PPFIBP2: variants seen among roughly 807,000 people sequenced by gnomAD.
PPFIBP2 encodes liprin-beta-2.
Under a neutral mutation model 118.3 loss-of-function variants are expected in PPFIBP2, and 118 were observed. The observed-to-expected ratio is 1.00, with a 90% confidence interval of 0.86 to 1.16. PPFIBP2 has a LOEUF of 1.16. Ranked by LOEUF, PPFIBP2 falls within the 50% of genes most tolerant of loss-of-function variation. The pLI is 0.00. For synonymous variants in PPFIBP2, 414 were observed against 397.4 expected (o/e 1.04, Z -0.50); for missense variants, 1,195 against 1,073.1 (o/e 1.11, Z -1.59).
At chr11:7,665,983 G>A in the PPFIBP2 span, 22 of 1,387,852 alleles carry the variant, frequency 1.6e-5, no homozygotes, top group African/African-American at 5.7e-5. Context: ...TGAGAGGCGC[G>A]CCTGTGGGGT....
chr11:7,563,026 C>T (rs1854527390), intron 2 of PPFIBP2, among the ~76,000 whole-genome samples: 1 of 147,290 alleles, frequency 6.8e-6, no homozygotes, highest in Admixed American at 7.0e-5. Context: ...TATACATGTA[C>T]TCACATACAT....
chr11:7,545,429 C>CAAACAA (rs1184602847), intron 1 of PPFIBP2, among the ~76,000 whole-genome samples: 2 of 152,140 alleles, frequency 1.3e-5, no homozygotes, highest in African/African-American at 4.8e-5. Flanking sequence ...GACCCTGTCT[C>CAAACAA]AAACAAAAAC....
At chr11:7,528,060 G>A (rs573653380) in intron 1 of PPFIBP2, among the ~76,000 whole-genome samples, 4 of 152,240 alleles carry the variant, frequency 2.6e-5, no homozygotes, top group South Asian at 4.2e-4. Flanking sequence ...TAAAATTGAT[G>A]TCCAGGCTGC....
rs140547250 is a variant in PPFIBP2, at chr11:7,651,077, T to G, written c.2247+112T>G. On this transcript the variant is annotated intron_variant, in intron 22 of 23. Coordinates refer to ENST00000299492, the MANE Select transcript of PPFIBP2 (RefSeq NM_003621.5). ...AACGAAAAAAAATAGGTACTTCATC[T>G]GGAGGTCTTGCATAATTTGATGTCT... 1,711 of 1,138,796 alleles carry G rather than the reference T, an allele frequency of 1.5e-3. 14 individuals carry two copies. The African/African-American group carries it at 0.022, about 15-fold the overall frequency. 70.5% of individuals were successfully genotyped at this position (1,138,796 alleles called of 1,614,324 possible).
Position 7,648,887 on chromosome 11 carries a change from C to T in PPFIBP2, c.1885C>T (p.Leu629=), listed in dbSNP as rs749585262. 34 of 1,613,986 alleles carry T rather than the reference C, an allele frequency of 2.1e-5. No individual in the cohort carries two copies. Among genetic ancestry groups the T allele is most frequent in the Non-Finnish European group, 2.8e-5 (33 of 1,179,874 alleles). ...INTKQEEKSA[L]LDHIWVTRWL... Reference sequence around the variant, plus strand: ...CACCAAACAGGAGGAGAAGTCTGCACTGCTAGACCACATTTGGGTGACAAG... The same window carrying T: ...CACCAAACAGGAGGAGAAGTCTGCATTGCTAGACCACATTTGGGTGACAAG... The change falls in exon 19 of 24, where the codon CTG becomes TTG. Residue 629 remains leucine (L), a synonymous_variant. Transcript: ENST00000299492.
intron 11 of PPFIBP2, among the ~76,000 whole-genome samples, chr11:7,631,888 C>T (rs1188279259): frequency 2.0e-5 from 3 of 152,136 alleles, no homozygotes; most frequent in Non-Finnish European, 4.4e-5. Context: ...GGACTTGAAC[C>T]CAGGTCTGAC....
chr11:7,551,100 A>T, intron 2 of PPFIBP2, among the ~76,000 whole-genome samples: 1 of 152,128 alleles, frequency 6.6e-6, no homozygotes, highest in Admixed American at 6.5e-5. Context: ...TGGAATACAG[A>T]TGTCCTGTTC....
chr11:7,655,136 G>T (rs936903419), downstream of PPFIBP2, among the ~76,000 whole-genome samples: 1 of 152,196 alleles, frequency 6.6e-6, no homozygotes, highest in Non-Finnish European at 1.5e-5. Context: ...ACGTGCAGAA[G>T]GGCTGCTTCT....
intron 6 of PPFIBP2, among the ~76,000 whole-genome samples, chr11:7,618,119 G>A (rs910604111): frequency 4.6e-4 from 70 of 152,286 alleles, no homozygotes; most frequent in African/African-American, 1.5e-3. Flanking sequence ...CTCAATTAGG[G>A]AGCCTGTTGA....
the PPFIBP2 span, among the ~76,000 whole-genome samples, chr11:7,662,786 A>C: frequency 2.0e-5 from 3 of 151,976 alleles, no homozygotes; most frequent in Admixed American, 1.3e-4. Context: ...CAGGTCCACC[A>C]ATCAGACATA....
downstream of PPFIBP2, chr11:7,653,907 A>G: frequency 1.3e-6 from 1 of 771,634 alleles, no homozygotes; most frequent in Non-Finnish European, 1.7e-6. Flanking sequence ...AGGGGGGTAG[A>G]GCAAGGCGGG....
rs78339892 is a variant in PPFIBP2, at chr11:7,650,313, C to T, written c.2122-527C>T. Among the ~76,000 whole-genome samples, 3 of 152,300 alleles carry T rather than the reference C, an allele frequency of 2.0e-5. No individual in the cohort carries two copies. In the East Asian group the frequency reaches 5.8e-4, roughly 29 times the overall value. On this transcript the variant is annotated intron_variant, in intron 21 of 23. Transcript: ENST00000299492. The stretch of plus-strand genomic sequence containing the variant: ...CTTCCTGGGCTGCTACCTTTGCTGT[C>T]TATCTCCTATTTTCTCCTTATTCAA...
chr11:7,652,134 G>A (rs1854126301), intron 23 of PPFIBP2, among the ~76,000 whole-genome samples: 1 of 152,272 alleles, frequency 6.6e-6, no homozygotes, highest in Admixed American at 6.5e-5. Flanking sequence ...CTGCTGCTGT[G>A]ACTCACCTTG....
At chr11:7,619,976 C>G (rs1025866846) in intron 6 of PPFIBP2, among the ~76,000 whole-genome samples, 1 of 152,190 alleles carries the variant, frequency 6.6e-6, no homozygotes, top group Non-Finnish European at 1.5e-5. Flanking sequence ...CTGATGGGAG[C>G]TAGTCAGCAG....
At position 7,631,307 on chromosome 11, in the gene PPFIBP2, C is replaced by A. The variant is rs1255708354; in HGVS notation, c.1068+279C>A. 9.0e-6 allele frequency: 3 copies of A among 333,472 alleles called. No homozygotes were observed. In the East Asian group the frequency reaches 1.7e-4, roughly 19 times the overall value. 20.7% of individuals were successfully genotyped at this position (333,472 alleles called of 1,614,324 possible). On this transcript the variant is annotated intron_variant, in intron 11 of 23. Transcript: ENST00000299492. The stretch of plus-strand genomic sequence containing the variant: ...CCTAGTTTATTTTTATCTTTTTTTT[C>A]TCTGGAATGTAAGCATAGACCAAAG...
At chr11:7,648,289 T>C (rs1047954576) in intron 17 of PPFIBP2, 98 bp from the exon 18 acceptor site, 95 of 1,398,860 alleles carry the variant, frequency 6.8e-5, no homozygotes, top group Non-Finnish European at 8.7e-5. Flanking sequence ...TTTTTTGTTT[T>C]GTTTTTTCTT....
chr11:7,597,916 G>A, intron 5 of PPFIBP2: 1 of 437,432 alleles, frequency 2.3e-6, no homozygotes, highest in Non-Finnish European at 4.2e-6. Context: ...TGGTTAGACA[G>A]ATTCCCAGAC....
chr11:7,635,617 G>C, intron 14 of PPFIBP2, 24 bp downstream of exon 14: 1 of 1,591,352 alleles, frequency 6.3e-7, no homozygotes. Context: ...GTGCCCCGTC[G>C]TCTATTTGTG....
intron 17 of PPFIBP2, among the ~76,000 whole-genome samples, chr11:7,645,461 A>G (rs1852921232): frequency 6.6e-6 from 1 of 152,232 alleles, no homozygotes; most frequent in Non-Finnish European, 1.5e-5. Context: ...TTGAACTGCA[A>G]TTTGAAAGGA....
Sources: gnomAD v4.1 joint callset for allele counts (sites outside exome capture counted in the v4.1 genomes callset) on GRCh38, gnomAD v4.1.1 for gene constraint, MANE v1.5 for transcripts, NCBI Gene and HGNC (gene_info 2026-07-23, HGNC 2026-07-21) for gene names.